ELAVL2: variants seen among roughly 807,000 people sequenced by gnomAD.
ELAVL2 encodes the protein ELAV-like protein 2.
ELAVL2 carries 4 observed loss-of-function variants against 34.6 expected under a neutral mutation model. The observed-to-expected ratio is 0.12, with a 90% CI of 0.06 to 0.26. ELAVL2 has a LOEUF of 0.26. Among genes scored for constraint, ELAVL2 ranks in the 10% least tolerant of loss-of-function variants. The pLI, the probability that ELAVL2 is intolerant of heterozygous loss-of-function variation, is 1.00. For missense variants in ELAVL2, 432 were observed against 442.8 expected (o/e 0.98, Z 0.22); for synonymous variants, 193 against 154.8 (o/e 1.25, Z -1.83).
intron 1 of ELAVL2, among the ~76,000 whole-genome samples, chr9:23,803,322 C>T (rs1357457074): frequency 6.6e-6 from 1 of 152,138 alleles, no homozygotes; most frequent in Non-Finnish European, 1.5e-5. Flanking sequence ...CTTTATAAAG[C>T]ATAACAAGCT....
chr9:23,724,991 T>C (rs2044706460), intron 3 of ELAVL2, among the ~76,000 whole-genome samples: 1 of 152,124 alleles, frequency 6.6e-6, no homozygotes, highest in African/African-American at 2.4e-5. Flanking sequence ...CTGCTCAAGG[T>C]AAAGGTTTTT....
At chr9:23,782,548 G>T (rs2059203134) in intron 1 of ELAVL2, among the ~76,000 whole-genome samples, 1 of 152,034 alleles carries the variant, frequency 6.6e-6, no homozygotes, top group South Asian at 2.1e-4. Context: ...CTCCAGACTG[G>T]GTGACAGAGC....
intron 1 of ELAVL2, among the ~76,000 whole-genome samples, chr9:23,792,884 C>T (rs1293574560): frequency 2.0e-5 from 3 of 152,168 alleles, no homozygotes; most frequent in Admixed American, 6.5e-5. Context: ...TATCCTCCCC[C>T]GTCGGCCTTC....
chr9:23,819,114 G>A (rs1197528094), intron 1 of ELAVL2, among the ~76,000 whole-genome samples: 2 of 152,146 alleles, frequency 1.3e-5, no homozygotes, highest in African/African-American at 4.8e-5. Context: ...AAGATAAGCA[G>A]GGAAGGCTGG....
At chr9:23,752,840 T>A (rs2052486628) in intron 2 of ELAVL2, among the ~76,000 whole-genome samples, 1 of 151,560 alleles carries the variant, frequency 6.6e-6, no homozygotes, top group African/African-American at 2.4e-5. Flanking sequence ...TTTGTTCTAA[T>A]TTAGAACAAT....
the ELAVL2 span, among the ~76,000 whole-genome samples, chr9:23,849,051 G>C: frequency 6.6e-6 from 1 of 152,200 alleles, no homozygotes; most frequent in Non-Finnish European, 1.5e-5. Flanking sequence ...AGCAAAGGCT[G>C]TCTTTTACCA....
chr9:23,713,204 T>TA (rs1328353411), intron 3 of ELAVL2, among the ~76,000 whole-genome samples: 3 of 152,210 alleles, frequency 2.0e-5, no homozygotes, highest in Non-Finnish European at 4.4e-5. Flanking sequence ...CTCATACTGG[T>TA]AAAGGCAAAT....
At chr9:23,802,593 C>T (rs1287444526) in intron 1 of ELAVL2, among the ~76,000 whole-genome samples, 1 of 152,184 alleles carries the variant, frequency 6.6e-6, no homozygotes, top group Non-Finnish European at 1.5e-5. Flanking sequence ...TTCCAAGAAT[C>T]CATTAGGCTA....
At chr9:23,708,244 T>C (rs2039947762) in intron 3 of ELAVL2, among the ~76,000 whole-genome samples, 1 of 152,228 alleles carries the variant, frequency 6.6e-6, no homozygotes, top group African/African-American at 2.4e-5. Context: ...ATGTTTAATG[T>C]TAAACTTACA....
chr9:23,694,941 T>C (rs1008920560), intron 5 of ELAVL2, among the ~76,000 whole-genome samples: 1 of 152,188 alleles, frequency 6.6e-6, no homozygotes, highest in African/African-American at 2.4e-5. Flanking sequence ...CCAGGGTCAC[T>C]GATAGTTTAT....
intron 3 of ELAVL2, among the ~76,000 whole-genome samples, chr9:23,710,576 T>G (rs2040649727): frequency 6.6e-6 from 1 of 152,204 alleles, no homozygotes; most frequent in Admixed American, 6.5e-5. Flanking sequence ...TGAACAACTT[T>G]TATCACTTGT....
In ELAVL2 at chr9:23,722,560, A is replaced by G. The variant is rs189311774; in HGVS notation, c.333+8462T>C. 9.2e-5 allele frequency among the ~76,000 whole-genome samples: 14 copies of G among 152,310 alleles called. No individual in the cohort carries two copies. The East Asian group carries it at 2.5e-3, about 27-fold the overall frequency. On this transcript the variant is annotated intron_variant, in intron 3 of 6. Transcript: ENST00000397312. ...GTCCAGAAAGTCTCAAGACAAAGAC[A>G]CTCAAAGGCCCAAATTAAGGCCTCT...
chr9:23,804,183 T>C (rs1166565078), intron 1 of ELAVL2, among the ~76,000 whole-genome samples: 3 of 151,018 alleles, frequency 2.0e-5, no homozygotes, highest in Middle Eastern at 3.4e-3. Context: ...ATTTATTTAT[T>C]TTTTTTTTGA....
chr9:23,782,925 C>G (rs1470663897), intron 1 of ELAVL2, among the ~76,000 whole-genome samples: 1 of 152,138 alleles, frequency 6.6e-6, no homozygotes, highest in African/African-American at 2.4e-5. Context: ...TCTTTGATAG[C>G]CTCTTCTCTT....
intron 2 of ELAVL2, among the ~76,000 whole-genome samples, chr9:23,731,534 C>T (rs1459461163): frequency 1.3e-4 from 20 of 152,154 alleles, no homozygotes; most frequent in Admixed American, 1.3e-3. Context: ...AAAACATCAA[C>T]CAAGAATCTG....
chr9:23,802,319 C>T (rs2061662197), intron 1 of ELAVL2, among the ~76,000 whole-genome samples: 1 of 152,166 alleles, frequency 6.6e-6, no homozygotes, highest in Non-Finnish European at 1.5e-5. Flanking sequence ...CAAGGGACTT[C>T]CAAACGCTAG....
In ELAVL2 at chr9:23,704,905, G is replaced by C. The variant is rs755962046; in HGVS notation, c.487+13C>G. 15 of 1,613,706 alleles carry C rather than the reference G, an allele frequency of 9.3e-6. No homozygotes were observed. The highest frequency in any genetic ancestry group is 1.3e-5 in the Non-Finnish European group (15 of 1,179,748). On this transcript the variant is annotated intron_variant, in intron 4 of 6. Transcript: ENST00000397312. ...AGACAGGGAAAGACTGTCCGGAGTG[G>C]CTGTCTACTTACCAGTGACCTGGTC...
chr9:23,834,539 G>C, the ELAVL2 span, among the ~76,000 whole-genome samples: 1 of 151,978 alleles, frequency 6.6e-6, no homozygotes, highest in Admixed American at 6.5e-5. Flanking sequence ...AAAACTTCCT[G>C]ACATGGAGGA....
chr9:23,844,751 C>T, the ELAVL2 span, among the ~76,000 whole-genome samples: 1 of 151,918 alleles, frequency 6.6e-6, no homozygotes, highest in Non-Finnish European at 1.5e-5. Flanking sequence ...CAGCCTTTGT[C>T]AATGTCTGTC....
Sources: allele counts gnomAD v4.1 joint callset (sites outside exome capture counted in the v4.1 genomes callset), GRCh38; gene constraint gnomAD v4.1.1; transcripts MANE v1.5; gene names NCBI Gene and HGNC (gene_info 2026-07-23, HGNC 2026-07-21).